The following TF variants were observed in gnomAD, a reference collection of about 807,000 sequenced individuals.
TF encodes transferrin, also known as serotransferrin.
In TF, 55 loss-of-function variants were observed where a neutral mutation model predicts 82.4. That is an observed-to-expected ratio of 0.67 (90% CI 0.54 to 0.84). TF has a LOEUF of 0.84. Ranked by LOEUF, TF falls within the 40% of genes least tolerant of loss-of-function variation. The pLI is 0.00. For synonymous variants in TF, 332 were observed against 332.6 expected (o/e 1.00, Z 0.02); for missense variants, 737 against 868.4 (o/e 0.85, Z 1.90).
chr3:133,713,908 G>A, the TF span, among the ~76,000 whole-genome samples: 41 of 152,286 alleles, frequency 2.7e-4, no homozygotes, highest in Middle Eastern at 6.8e-3. Context: ...TCCCTCCCCT[G>A]CTCCCAGTCT....
chr3:133,678,845 A>G, the TF span, among the ~76,000 whole-genome samples: 6 of 140,944 alleles, frequency 4.3e-5, no homozygotes, highest in Non-Finnish European at 9.2e-5. Context: ...CCTTTGGCCC[A>G]GCTATTTTTT....
At chr3:133,755,227 A>G (rs1003328487) in intron 4 of TF, 136 bp from the exon 5 acceptor site, 1 of 1,127,116 alleles carries the variant, frequency 8.9e-7, no homozygotes, top group Non-Finnish European at 1.3e-6. Flanking sequence ...ATGAGTTAGC[A>G]TAAGGGCAAG....
At chr3:133,725,418 A>G in the TF span, among the ~76,000 whole-genome samples, 3 of 152,082 alleles carry the variant, frequency 2.0e-5, no homozygotes, top group South Asian at 2.1e-4. Context: ...CTTTGAAGCA[A>G]TTGTGAATGG....
chr3:133,724,439 C>T, the TF span, among the ~76,000 whole-genome samples: 2 of 152,128 alleles, frequency 1.3e-5, no homozygotes, highest in Admixed American at 1.3e-4. Flanking sequence ...TGCCTTTTGG[C>T]TGCATAAATG....
the TF span, among the ~76,000 whole-genome samples, chr3:133,715,460 T>C: frequency 1.3e-5 from 2 of 152,156 alleles, no homozygotes; most frequent in Non-Finnish European, 2.9e-5. Context: ...AGTTCTCCCT[T>C]TTTCTGTGGC....
chr3:133,701,222 G>A, the TF span: 1 of 152,192 alleles, frequency 6.6e-6, no homozygotes, highest in African/African-American at 2.4e-5. Context: ...TCTGTGATTA[G>A]AAAGTGGCTT....
chr3:133,787,463 A>G lies in TF; in HGVS notation c.*8843A>G, dbSNP rs530212064. The stretch of plus-strand genomic sequence containing the variant: ...ATGTGCAATTTTATTTTACAGTGCT[A>G]TGTACACAGTGGAAAGTTATATGAA... On this transcript the variant is annotated 3_prime_UTR_variant, in exon 17 of 17. Transcript: ENST00000402696. 52 of 152,354 alleles carry G rather than the reference A, an allele frequency of 3.4e-4. No homozygotes were observed. Among genetic ancestry groups the G allele is most frequent in the African/African-American group, 1.1e-3 (47 of 41,586 alleles). The allele number at this position is 152,354 out of a possible 1,614,324, so 9.4% of individuals were successfully genotyped here. A position where few individuals can be genotyped will look rare whatever the true frequency, so the allele number is the denominator to read the frequency against.
At chr3:133,680,360 C>T in the TF span, among the ~76,000 whole-genome samples, 1 of 151,822 alleles carries the variant, frequency 6.6e-6, no homozygotes, top group East Asian at 1.9e-4. Context: ...CACATGCCAC[C>T]ACACCTAACT....
At chr3:133,689,374 C>T in the TF span, among the ~76,000 whole-genome samples, 44 of 152,082 alleles carry the variant, frequency 2.9e-4, no homozygotes, top group Middle Eastern at 6.8e-3. Flanking sequence ...ATATAGAAGT[C>T]TGTAACAAGT....
intron 11 of TF, 109 bp from the exon 12 acceptor site, chr3:133,766,169 C>A: frequency 9.4e-7 from 1 of 1,062,924 alleles, no homozygotes; most frequent in Non-Finnish European, 1.5e-6. Context: ...TCTCAAGACA[C>A]AATGACTGAT....
At position 133,778,983 on chromosome 3, in the gene TF, A is replaced by C. The variant is rs1347572882; in HGVS notation, c.*363A>C. 3.4e-6 allele frequency: 1 copy of C among 296,290 alleles called. No homozygotes were observed. The highest frequency in any genetic ancestry group is 6.5e-6 in the Non-Finnish European group (1 of 153,022). 18.4% of individuals were successfully genotyped at this position (296,290 alleles called of 1,614,324 possible). On this transcript the variant is annotated 3_prime_UTR_variant, in exon 17 of 17. Transcript: ENST00000402696. The stretch of plus-strand genomic sequence containing the variant: ...CATCTTTTCTAAAAGGGTCTGCGTG[A>C]TCATTAAAATATAATCAAATGTATA...
At chr3:133,728,198 C>T in the TF span, among the ~76,000 whole-genome samples, 1,642 of 152,184 alleles carry the variant, frequency 0.011, 29 homozygotes, top group African/African-American at 0.037. Context: ...TGAATGTTGG[C>T]CTGCCTTGCT....
chr3:133,728,031 G>A, the TF span, among the ~76,000 whole-genome samples: 2 of 152,216 alleles, frequency 1.3e-5, no homozygotes, highest in Non-Finnish European at 2.9e-5. Flanking sequence ...TCAGCTGTTT[G>A]TCTGACGGGC....
intron 12 of TF, among the ~76,000 whole-genome samples, chr3:133,767,736 C>G (rs1027492704): frequency 6.6e-6 from 1 of 152,200 alleles, no homozygotes; most frequent in Non-Finnish European, 1.5e-5. Context: ...TTTTTCTGTT[C>G]CCTTTCATGA....
chr3:133,697,647 C>T, the TF span, among the ~76,000 whole-genome samples: 10 of 152,168 alleles, frequency 6.6e-5, no homozygotes, highest in Non-Finnish European at 1.2e-4. Flanking sequence ...CTGCTGCCCC[C>T]CTGGGCCTTT....
the TF span, among the ~76,000 whole-genome samples, chr3:133,714,394 C>A: frequency 1.3e-5 from 2 of 152,212 alleles, no homozygotes; most frequent in African/African-American, 2.4e-5. Flanking sequence ...TATTCCACTA[C>A]CAGACTACTT....
chr3:133,728,727 A>G, the TF span, among the ~76,000 whole-genome samples: 29,641 of 151,900 alleles, frequency 0.2, 3,001 homozygotes, highest in East Asian at 0.29. Context: ...GAGGAGAGGC[A>G]CTCTGCTTTT....
rs376609200 is a variant in TF at position 133,777,117 on chromosome 3, C to T, written c.1941C>T (p.Asp647=). The T allele has an allele frequency of 5.1e-5, 83 of 1,614,052 alleles. No homozygotes were observed. Among genetic ancestry groups the T allele is most frequent in the Non-Finnish European group, 6.9e-5 (81 of 1,180,048 alleles). Residue 647 remains aspartate (D), a synonymous_variant, in exon 16 of 17, where the codon GAC becomes GAT. Transcript: ENST00000402696. ...NFCLFRSETK[D]LLFRDDTVCL... is the part of the protein sequence containing the mutation. ...GTTTGTTCCGGTCGGAAACCAAGGA[C>T]CTTCTGTTCAGAGATGACACAGTAT...
intron 5 of TF, chr3:133,755,771 G>A (rs1576358445): frequency 8.5e-5 from 44 of 519,876 alleles, no homozygotes; most frequent in South Asian, 6.7e-4. Context: ...TCGGTGGATC[G>A]GGCAGAGCCT....
Sources: allele counts gnomAD v4.1 joint callset (sites outside exome capture counted in the v4.1 genomes callset), GRCh38; gene constraint gnomAD v4.1.1; transcripts MANE v1.5; gene names NCBI Gene and HGNC (gene_info 2026-07-23, HGNC 2026-07-21).